PLA2R1: variants seen among roughly 807,000 people sequenced by gnomAD.
The protein encoded by PLA2R1 is phospholipase A2 receptor 1, also known as secretory phospholipase A2 receptor.
In PLA2R1, 158 loss-of-function variants were observed where a neutral mutation model predicts 195.9. The ratio of observed to expected loss-of-function variants is 0.81; its 90% CI spans 0.71 to 0.92. The LOEUF (loss-of-function observed/expected upper bound fraction) is 0.92. PLA2R1 is among the 40% of genes least tolerant of loss of function. PLA2R1 has a pLI of 0.00. For synonymous variants in PLA2R1, 586 were observed against 598.2 expected, an observed-to-expected ratio of 0.98 and a Z score of 0.30; for missense variants, 1,626 against 1,764.6, an observed-to-expected ratio of 0.92 and a Z score of 1.41.
chr2:159,981,214 T>C (rs1354561614), intron 13 of PLA2R1, among the ~76,000 whole-genome samples: 1 of 111,594 alleles, frequency 9.0e-6, no homozygotes, highest in Non-Finnish European at 1.8e-5. Flanking sequence ...TGTATGTGCA[T>C]ACGTGTGTGT....
intron 3 of PLA2R1, among the ~76,000 whole-genome samples, chr2:160,036,176 T>C (rs972918516): frequency 2.0e-5 from 3 of 152,188 alleles, no homozygotes; most frequent in African/African-American, 7.2e-5. Flanking sequence ...TCCAAATACA[T>C]AGAGACCATT....
rs538282135 is a variant in PLA2R1, at chr2:159,935,728, T to C, written c.*6050A>G. 3 of 152,256 alleles carry C rather than the reference T, an allele frequency of 2.0e-5. No individual in the cohort carries two copies. In the South Asian group the frequency reaches 6.2e-4, roughly 32 times the overall value. The allele number at this position is 152,256 out of a possible 1,614,324, so 9.4% of individuals were successfully genotyped here. ...CTTTCTCAAGAAGCCTAAGTTCCTT[T>C]GACTGGAGATACTACAACAATTTGA... On this transcript the variant is annotated 3_prime_UTR_variant, in exon 30 of 30. Coordinates refer to ENST00000283243, the MANE Select transcript of PLA2R1 (RefSeq NM_007366.5).
At chr2:160,023,886 C>T (rs1310227861) in intron 6 of PLA2R1, among the ~76,000 whole-genome samples, 1 of 151,214 alleles carries the variant, frequency 6.6e-6, no homozygotes, top group East Asian at 2.0e-4. Context: ...CCTTGCTGCC[C>T]CCACCCCCAC....
At chr2:159,987,522 C>A (rs1690438535) in intron 11 of PLA2R1, among the ~76,000 whole-genome samples, 164 bp from the exon 12 acceptor site, 3 of 152,166 alleles carry the variant, frequency 2.0e-5, no homozygotes, top group African/African-American at 7.2e-5. Flanking sequence ...TATGTCATTT[C>A]TCTTCATCTC....
At chr2:160,011,596 T>C (rs1255592854) in intron 10 of PLA2R1, among the ~76,000 whole-genome samples, 1 of 152,032 alleles carries the variant, frequency 6.6e-6, no homozygotes, top group African/African-American at 2.4e-5. Context: ...GAATAAGACA[T>C]AAAAAACAGG....
intron 12 of PLA2R1, among the ~76,000 whole-genome samples, chr2:159,986,657 G>A (rs1248916052): frequency 2.0e-5 from 3 of 151,738 alleles, no homozygotes; most frequent in Non-Finnish European, 4.4e-5. Context: ...CGCAGTCTCG[G>A]CTCACTGCAA....
intron 23 of PLA2R1, among the ~76,000 whole-genome samples, chr2:159,953,499 G>T (rs755826406): frequency 2.0e-5 from 3 of 152,244 alleles, no homozygotes; most frequent in Non-Finnish European, 4.4e-5. Flanking sequence ...TATGCTAGAA[G>T]TATGCTAAGT....
At chr2:160,015,571 C>T (rs1392703844) in intron 9 of PLA2R1, among the ~76,000 whole-genome samples, 4 of 152,162 alleles carry the variant, frequency 2.6e-5, no homozygotes, top group Admixed American at 6.5e-5. Context: ...AAATAAAACA[C>T]GCTGAGTTTC....
intron 10 of PLA2R1, 93 bp from the exon 11 acceptor site, chr2:160,005,914 A>G: frequency 5.0e-6 from 4 of 807,490 alleles, no homozygotes; most frequent in South Asian, 3.2e-5. Flanking sequence ...ATGGCCCCAG[A>G]GTAAGCATTT....
At chr2:159,967,745 G>A in intron 19 of PLA2R1, 67 bp from the exon 20 acceptor site, 2 of 1,356,034 alleles carry the variant, frequency 1.5e-6, no homozygotes, top group Non-Finnish European at 2.0e-6. Flanking sequence ...ATTCTCTATT[G>A]ATCACTATTT....
At chr2:159,976,642 T>C (rs998793831) in intron 16 of PLA2R1, 43 bp downstream of exon 16, 5 of 1,219,410 alleles carry the variant, frequency 4.1e-6, no homozygotes, top group African/African-American at 1.5e-5. Context: ...ATATGGTATA[T>C]ATTAATAATT....
At chr2:160,005,605 G>C in intron 11 of PLA2R1, 47 bp downstream of exon 11, 5 of 1,550,312 alleles carry the variant, frequency 3.2e-6, no homozygotes, top group Non-Finnish European at 4.4e-6. Flanking sequence ...AAGGAATTTG[G>C]AGTAAAGAAA....
At chr2:160,045,399 G>A (rs1694796393) in intron 1 of PLA2R1, among the ~76,000 whole-genome samples, 1 of 152,272 alleles carries the variant, frequency 6.6e-6, no homozygotes, top group Middle Eastern at 3.4e-3. Flanking sequence ...GACCTAATTG[G>A]CCATATGGGA....
Position 159,946,830 on chromosome 2 carries a change from A to G in PLA2R1, c.3938T>C (p.Val1313Ala). Residue 1313 changes from valine to alanine, a missense_variant, in exon 27 of 30, where the codon GTT becomes GCT. Val to Ala is a moderately conservative substitution (Grantham distance 64). Coordinates refer to ENST00000283243, the MANE Select transcript of PLA2R1 (RefSeq NM_007366.5). ...ACCATCAAATTGAGCATTCAACCAA[A>G]CCATCTGGACAGAAGAACCAAAAGC... ...LFAFGSSVQM[V>A]WLNAQFDGNN... The G allele has an allele frequency of 6.2e-7, 1 of 1,609,678 alleles. No individual in the cohort carries two copies. The highest frequency in any genetic ancestry group is 1.3e-5 in the African/African-American group (1 of 74,796).
chr2:159,951,677 T>C (rs903551866), intron 23 of PLA2R1, 99 bp from the exon 24 acceptor site: 58 of 704,634 alleles, frequency 8.2e-5, no homozygotes, highest in Admixed American at 2.5e-4. Flanking sequence ...TCCATGTTGA[T>C]CAGAGTGCTT....
chr2:160,034,156 T>A (rs1050571828), intron 3 of PLA2R1, among the ~76,000 whole-genome samples: 1 of 152,234 alleles, frequency 6.6e-6, no homozygotes, highest in African/African-American at 2.4e-5. Context: ...TCAAACTTAT[T>A]TGACAATAAA....
intron 24 of PLA2R1, among the ~76,000 whole-genome samples, chr2:159,950,638 G>A (rs60184581): frequency 0.027 from 4,151 of 152,222 alleles, 170 homozygotes; most frequent in African/African-American, 0.089. Context: ...TAAAAAGCAA[G>A]TTTAAAGACA....
chr2:159,953,634 T>C lies in PLA2R1; in HGVS notation c.3301+1565A>G, dbSNP rs566810586. ...ACAAAGAAGGGTGGGAACCCATGTG[T>C]GGTAGGCACTCCGGTGCCTATGCTC... On this transcript the variant is annotated intron_variant, in intron 23 of 29. Coordinates refer to ENST00000283243, the MANE Select transcript of PLA2R1 (RefSeq NM_007366.5). Among the ~76,000 whole-genome samples, 40 of 152,362 alleles carry C rather than the reference T, an allele frequency of 2.6e-4. 2 individuals are homozygous for C. The South Asian group carries it at 8.1e-3, about 31-fold the overall frequency.
chr2:160,030,093 A>ATGAT (rs1693766717), intron 4 of PLA2R1, among the ~76,000 whole-genome samples: 1 of 152,204 alleles, frequency 6.6e-6, no homozygotes, highest in Non-Finnish European at 1.5e-5. Flanking sequence ...GATAGACTGT[A>ATGAT]TGATTACCCA....
Sources: gnomAD v4.1 joint callset for allele counts (sites outside exome capture counted in the v4.1 genomes callset) on GRCh38, gnomAD v4.1.1 for gene constraint, MANE v1.5 for transcripts, NCBI Gene and HGNC (gene_info 2026-07-23, HGNC 2026-07-21) for gene names.